Variants in DNAH14 observed in about 807,000 individuals in gnomAD.
DNAH14 encodes the protein dynein axonemal heavy chain 14.
Under a neutral mutation model 520.9 loss-of-function variants are expected in DNAH14, and 478 were observed. The ratio of observed to expected loss-of-function variants is 0.92; its 90% CI spans 0.85 to 0.99. DNAH14 has a LOEUF of 0.99. DNAH14 is among the 50% of genes least tolerant of loss of function. The probability of loss-of-function intolerance (pLI) is 0.00; values close to 1 mark genes in which losing one functional copy is unlikely to be tolerated. For missense variants in DNAH14, 4,831 were observed against 5,234.5 expected (o/e 0.92, Z 2.38); for synonymous variants, 1,581 against 1,757.2 (o/e 0.90, Z 2.51).
chr1:225,043,784 T>C lies in DNAH14; in HGVS notation c.1809T>C (p.Tyr603=). Residue 603 remains tyrosine (Y), a synonymous_variant, in exon 14 of 86, where the codon TAT becomes TAC. Transcript: ENST00000682510. ...IETEFENKYM[Y]YEFPEFPTNL... ...CTGAGTTTGAGAATAAATACATGTA[T>C]TATGAGTAAGTATTAGACATTTTAA... is the stretch of plus-strand genomic sequence containing the variant. The C allele has an allele frequency of 5.5e-6, 8 of 1,466,356 alleles. No individual in the cohort carries two copies. Among genetic ancestry groups the C allele is most frequent in the Non-Finnish European group, 7.5e-6 (8 of 1,072,550 alleles). 90.8% of individuals were successfully genotyped at this position (1,466,356 alleles called of 1,614,324 possible). A position where few individuals can be genotyped will look rare whatever the true frequency, so the allele number is the denominator to read the frequency against.
rs6699429 is a variant in DNAH14, at chr1:225,168,250, C to T, written c.5535+222C>T. Among the ~76,000 whole-genome samples, 943 of 152,222 alleles carry T rather than the reference C, an allele frequency of 6.2e-3. 11 individuals are homozygous for T. The highest frequency in any genetic ancestry group is 0.021 in the African/African-American group (870 of 41,514). ...CTCCCAGCGTGAGCGACGCAGAAGACGAATGATTTCTGCATTTCCAACTGA... is the reference window on the plus strand; with the variant it reads ...CTCCCAGCGTGAGCGACGCAGAAGATGAATGATTTCTGCATTTCCAACTGA... On this transcript the variant is annotated intron_variant, in intron 36 of 85. Coordinates refer to ENST00000682510, the MANE Select transcript of DNAH14 (RefSeq NM_001367479.1).
At chr1:225,270,660 G>A (rs2093288657) in intron 49 of DNAH14, 75 bp from the exon 50 acceptor site, 1 of 1,258,190 alleles carries the variant, frequency 7.9e-7, no homozygotes, top group Non-Finnish European at 1.1e-6. Context: ...TGTCCAATTT[G>A]GGACAGAGAC....
chr1:225,240,959 A>G, intron 43 of DNAH14, 137 bp downstream of exon 43: 1 of 670,002 alleles, frequency 1.5e-6, no homozygotes, highest in Non-Finnish European at 2.4e-6. Context: ...TATACCCAAT[A>G]CCCTCATTAT....
intron 20 of DNAH14, among the ~76,000 whole-genome samples, chr1:225,084,071 T>A (rs1162793624): frequency 1.3e-5 from 2 of 152,066 alleles, no homozygotes; most frequent in Non-Finnish European, 2.9e-5. Flanking sequence ...ATGTCTAACA[T>A]GAATAGATAG....
At chr1:225,280,230 G>C (rs2093596210) in intron 54 of DNAH14, among the ~76,000 whole-genome samples, 1 of 152,088 alleles carries the variant, frequency 6.6e-6, no homozygotes, top group Non-Finnish European at 1.5e-5. Flanking sequence ...GGGGCTCCCA[G>C]AAAGAGAAGA....
intron 17 of DNAH14, among the ~76,000 whole-genome samples, chr1:225,055,527 T>TTTTA (rs140615240): frequency 2.0e-5 from 3 of 151,926 alleles, no homozygotes; most frequent in African/African-American, 2.4e-5. Flanking sequence ...ATTTTTTTAT[T>TTTTA]TTTATTTATT....
At chr1:225,335,840 TACATACAC>T (rs1354910170) in intron 66 of DNAH14, among the ~76,000 whole-genome samples, 2 of 69,776 alleles carry the variant, frequency 2.9e-5, no homozygotes, top group Non-Finnish European at 5.9e-5. Flanking sequence ...TACATATATG[TACATACAC>T]ATATGTACAT....
intron 27 of DNAH14, among the ~76,000 whole-genome samples, chr1:225,127,401 G>T (rs1161368525): frequency 6.6e-6 from 1 of 151,748 alleles, no homozygotes; most frequent in South Asian, 2.1e-4. Flanking sequence ...CCTGTATTGG[G>T]TGCATATATA....
chr1:224,940,401 C>T (rs1053091325), intron 1 of DNAH14, among the ~76,000 whole-genome samples: 1 of 152,076 alleles, frequency 6.6e-6, no homozygotes, highest in Non-Finnish European at 1.5e-5. Context: ...GTATATCAAT[C>T]AATTAATGGT....
At chr1:225,347,470 C>T (rs967024788) in intron 71 of DNAH14, among the ~76,000 whole-genome samples, 5 of 152,120 alleles carry the variant, frequency 3.3e-5, no homozygotes, top group African/African-American at 1.2e-4. Flanking sequence ...GTTCCTCCCT[C>T]GGATAGAAAC....
At chr1:225,106,567 G>A (rs1203012066) in intron 23 of DNAH14, among the ~76,000 whole-genome samples, 1 of 152,110 alleles carries the variant, frequency 6.6e-6, no homozygotes, top group African/African-American at 2.4e-5. Flanking sequence ...TTTCTTGGAG[G>A]CTTTGTCGTT....
chr1:224,967,109 A>G (rs1572112477), intron 5 of DNAH14, among the ~76,000 whole-genome samples: 2 of 152,164 alleles, frequency 1.3e-5, no homozygotes, highest in East Asian at 1.9e-4. Context: ...AAATACTAGA[A>G]GATGGCATAT....
chr1:225,202,420 A>G (rs1324026712), intron 38 of DNAH14, among the ~76,000 whole-genome samples: 1 of 152,092 alleles, frequency 6.6e-6, no homozygotes, highest in Non-Finnish European at 1.5e-5. Flanking sequence ...TTATGTTCCT[A>G]GGAGGATTAT....
chr1:225,140,591 CAGAATT>C, intron 27 of DNAH14, 171 bp from the exon 28 acceptor site: 1 of 527,740 alleles, frequency 1.9e-6, no homozygotes, highest in Non-Finnish European at 3.2e-6. Flanking sequence ...AAGCATCAAT[CAGAATT>C]CAATCTTTAG....
intron 54 of DNAH14, among the ~76,000 whole-genome samples, chr1:225,287,345 A>G (rs1226363066): frequency 6.6e-6 from 1 of 152,188 alleles, no homozygotes; most frequent in Non-Finnish European, 1.5e-5. Flanking sequence ...GCCAATATAA[A>G]AAGTGGTTTG....
At chr1:225,281,136 G>T (rs530048693) in intron 54 of DNAH14, among the ~76,000 whole-genome samples, 4 of 152,118 alleles carry the variant, frequency 2.6e-5, no homozygotes, top group African/African-American at 4.8e-5. Flanking sequence ...TTACAGTTTT[G>T]CAGGTCAGAA....
chr1:225,129,799 A>G (rs1367428786), intron 27 of DNAH14, among the ~76,000 whole-genome samples: 1 of 152,200 alleles, frequency 6.6e-6, no homozygotes, highest in African/African-American at 2.4e-5. Context: ...AATGGCAACC[A>G]AAGCCAAAAT....
rs2096066444 is a variant in DNAH14 at position 225,399,273 on chromosome 1, T to C, written c.*4T>C. The stretch of plus-strand genomic sequence containing the variant: ...TTGTGAGAAGAATGAAAAATAAATG[T>C]CCATATCAAACCATTTTAATTTTTG... On this transcript the variant is annotated 3_prime_UTR_variant, in exon 86 of 86. Transcript: ENST00000682510. 6.5e-7 allele frequency: 1 copy of C among 1,547,156 alleles called. No individual in the cohort carries two copies. The highest frequency in any genetic ancestry group is 2.4e-5 in the East Asian group (1 of 40,878).
In DNAH14 at chr1:225,206,315, C is replaced by T. The variant is rs1573981141; in HGVS notation, c.6186+136C>T. 8 of 759,016 alleles carry T rather than the reference C, an allele frequency of 1.1e-5. No homozygotes were observed. The South Asian group carries it at 1.5e-4, about 14-fold the overall frequency. The allele number at this position is 759,016 out of a possible 1,614,324, so 47.0% of individuals were successfully genotyped here. Reference sequence around the variant, plus strand: ...CAGCATGAACTCAATAGTTTCAAATCTTTGTGTCTCCCAAAGCCTCATAAT... The same window carrying T: ...CAGCATGAACTCAATAGTTTCAAATTTTTGTGTCTCCCAAAGCCTCATAAT... On this transcript the variant is annotated intron_variant, in intron 40 of 85. Coordinates refer to ENST00000682510, the MANE Select transcript of DNAH14 (RefSeq NM_001367479.1).
Sources: gnomAD v4.1 joint callset for allele counts (sites outside exome capture counted in the v4.1 genomes callset) on GRCh38, gnomAD v4.1.1 for gene constraint, MANE v1.5 for transcripts, NCBI Gene and HGNC (gene_info 2026-07-23, HGNC 2026-07-21) for gene names.